Variants in ACSL3 observed in about 807,000 individuals in gnomAD.
ACSL3 encodes the protein fatty acid CoA ligase Acsl3.
ACSL3 carries 34 observed loss-of-function variants against 84.7 expected under a neutral mutation model. The observed-to-expected ratio is 0.40, with a 90% confidence interval of 0.31 to 0.53. ACSL3 has a LOEUF of 0.53. ACSL3 is among the 20% of genes least tolerant of loss of function. The probability of loss-of-function intolerance (pLI) is 0.48; values close to 1 mark genes in which losing one functional copy is unlikely to be tolerated. For synonymous variants in ACSL3, 315 were observed against 299.4 expected, an observed-to-expected ratio of 1.05 and a Z score of -0.54; for missense variants, 680 against 873.1, an observed-to-expected ratio of 0.78 and a Z score of 2.79.
intron 1 of ACSL3, among the ~76,000 whole-genome samples, chr2:222,884,349 G>C (rs896400912): frequency 1.3e-5 from 2 of 152,100 alleles, no homozygotes; most frequent in Non-Finnish European, 2.9e-5. Context: ...TGTCTTCTAG[G>C]GCCACTGCAA....
intron 7 of ACSL3, among the ~76,000 whole-genome samples, chr2:222,920,455 A>G (rs575331878): frequency 1.1e-4 from 16 of 152,262 alleles, no homozygotes; most frequent in Admixed American, 7.2e-4. Context: ...TCTGATTTCA[A>G]ATGGTTCACA....
intron 1 of ACSL3, among the ~76,000 whole-genome samples, chr2:222,864,369 A>AT (rs1485402923): frequency 1.3e-5 from 2 of 151,852 alleles, no homozygotes; most frequent in Admixed American, 6.6e-5. Flanking sequence ...TATGGGTGAG[A>AT]TTGCCTGTGG....
chr2:222,872,703 T>G (rs72955324), intron 1 of ACSL3, among the ~76,000 whole-genome samples: 2 of 151,586 alleles, frequency 1.3e-5, no homozygotes, highest in African/African-American at 2.4e-5. Context: ...GTGCCGAGGG[T>G]GGGGAACCAG....
intron 1 of ACSL3, among the ~76,000 whole-genome samples, chr2:222,872,249 C>T (rs868606955): frequency 2.0e-5 from 3 of 152,060 alleles, no homozygotes; most frequent in Non-Finnish European, 2.9e-5. Context: ...CTCAGCCTCT[C>T]GAGTAGCTGG....
Position 222,918,175 on chromosome 2 carries a change from TCTAA to T in ACSL3, c.666+23_666+26del, listed in dbSNP as rs201789524. 1,561 of 1,512,358 alleles carry T rather than the reference TCTAA, an allele frequency of 1.0e-3. 11 individuals are homozygous for T. In the African/African-American group the frequency reaches 0.018, roughly 18 times the overall value. 93.7% of individuals were successfully genotyped at this position (1,512,358 alleles called of 1,614,324 possible). On this transcript the variant is annotated intron_variant, in intron 6 of 16. Coordinates refer to ENST00000357430, the MANE Select transcript of ACSL3 (RefSeq NM_004457.5). ...TTGAAGGTGAGGACTCTAGTTACTTTCTAACTGTCTGATACTTTAGAATTTTCAG... is the reference window on the plus strand; with the variant it reads ...TTGAAGGTGAGGACTCTAGTTACTTTCTGTCTGATACTTTAGAATTTTCAG...
chr2:222,884,822 C>T (rs755567438), intron 1 of ACSL3, among the ~76,000 whole-genome samples: 4 of 152,120 alleles, frequency 2.6e-5, no homozygotes, highest in South Asian at 2.1e-4. Context: ...GTTCCCTTCG[C>T]GTTTACAAAT....
intron 10 of ACSL3, 93 bp from the exon 11 acceptor site, chr2:222,924,363 C>T: frequency 8.5e-7 from 1 of 1,176,902 alleles, no homozygotes; most frequent in South Asian, 2.0e-5. Flanking sequence ...TTTAAAATGC[C>T]TTAATATTGC....
At chr2:222,912,434 T>G (rs1382843138) in intron 4 of ACSL3, among the ~76,000 whole-genome samples, 2 of 152,244 alleles carry the variant, frequency 1.3e-5, no homozygotes, top group African/African-American at 4.8e-5. Context: ...CTTTCTGCTA[T>G]TAGTGCCTGC....
chr2:222,872,994 G>T (rs1382693863), intron 1 of ACSL3, among the ~76,000 whole-genome samples: 1 of 152,208 alleles, frequency 6.6e-6, no homozygotes, highest in Non-Finnish European at 1.5e-5. Context: ...TCTCTTAGAA[G>T]CAATCCATTG....
At chr2:222,940,558 A>G (rs780126305) in intron 16 of ACSL3, among the ~76,000 whole-genome samples, 2 of 149,824 alleles carry the variant, frequency 1.3e-5, no homozygotes, top group African/African-American at 5.1e-5. Flanking sequence ...CACAGACTGC[A>G]TATATGACAG....
intron 11 of ACSL3, among the ~76,000 whole-genome samples, chr2:222,926,424 C>T (rs931908796): frequency 2.0e-4 from 30 of 151,920 alleles, no homozygotes; most frequent in Admixed American, 3.3e-4. Flanking sequence ...TAAGTACTAC[C>T]TCTCCTTTTT....
At chr2:222,883,034 C>T (rs1574524558) in intron 1 of ACSL3, among the ~76,000 whole-genome samples, 1 of 151,954 alleles carries the variant, frequency 6.6e-6, no homozygotes, top group East Asian at 1.9e-4. Context: ...TTCCAAAGTG[C>T]TGGGATTACA....
At position 222,918,107 on chromosome 2, in the gene ACSL3, G is replaced by T. The variant is rs1696633387; in HGVS notation, c.618G>T (p.Glu206Asp). ...TTGTTCATGCATTAAATGAAACAGA[G>T]GTGACCAACATCATTACTAGTAAAG... ...PAIVHALNET[E>D]VTNIITSKEL... is the part of the protein sequence containing the mutation. The change falls in exon 6 of 17, where the codon GAG becomes GAT. Residue 206 changes from glutamate (E) to aspartate (D), a missense_variant. Glu to Asp is a conservative substitution (Grantham distance 45). This residue lies in a region of ACSL3 where 333 missense variants were observed against 347.5 expected (regional missense o/e 0.96). Transcript: ENST00000357430. 1.9e-6 allele frequency: 3 copies of T among 1,612,070 alleles called. No homozygotes were observed. In the East Asian group the frequency reaches 6.7e-5, roughly 36 times the overall value.
intron 1 of ACSL3, among the ~76,000 whole-genome samples, chr2:222,869,302 C>G (rs529222819): frequency 3.9e-5 from 6 of 152,276 alleles, no homozygotes; most frequent in Non-Finnish European, 8.8e-5. Flanking sequence ...TCAATTCTTA[C>G]CTCACAAGGT....
chr2:222,933,452 G>A (rs1424995024), intron 15 of ACSL3, 172 bp downstream of exon 15: 3 of 515,578 alleles, frequency 5.8e-6, no homozygotes, highest in African/African-American at 3.9e-5. Flanking sequence ...TCCTTGTAAG[G>A]CTTCCCCTGA....
In ACSL3 at chr2:222,892,411, G is replaced by C. The variant is rs113483502; in HGVS notation, c.-148+4523G>C. Among the ~76,000 whole-genome samples the C allele has an allele frequency of 4.4e-4, 67 of 152,160 alleles. 1 individual carries two copies. The highest frequency in any genetic ancestry group is 1.6e-3 in the African/African-American group (65 of 41,516). On this transcript the variant is annotated intron_variant, in intron 2 of 16. Coordinates refer to ENST00000357430, the MANE Select transcript of ACSL3 (RefSeq NM_004457.5). The stretch of plus-strand genomic sequence containing the variant: ...AAGCAAACATGTTTGTGAGAACCAG[G>C]GTGCCCCTCTAAAAAAGAAACTCTT...
chr2:222,869,627 G>A (rs1695248364), intron 1 of ACSL3, among the ~76,000 whole-genome samples: 1 of 152,252 alleles, frequency 6.6e-6, no homozygotes, highest in Admixed American at 6.5e-5. Context: ...ATAAAGGACA[G>A]AGAGGTCATG....
chr2:222,913,565 C>CT lies in ACSL3; in HGVS notation c.379-2746dup, dbSNP rs975887919. On this transcript the variant is annotated intron_variant, in intron 4 of 16. Coordinates refer to ENST00000357430, the MANE Select transcript of ACSL3 (RefSeq NM_004457.5). The stretch of plus-strand genomic sequence containing the variant: ...TACATCCCTTACAGCCTCCCCCCGC[C>CT]TTTTTTTTAGCAGGCCTCCTTGCTT... 1.3e-3 allele frequency among the ~76,000 whole-genome samples: 196 copies of CT among 151,990 alleles called. 1 individual carries two copies. The highest frequency in any genetic ancestry group is 4.1e-3 in the African/African-American group (171 of 41,462).
At chr2:222,926,428 C>G (rs1051593676) in intron 11 of ACSL3, among the ~76,000 whole-genome samples, 8 of 152,042 alleles carry the variant, frequency 5.3e-5, no homozygotes, top group African/African-American at 1.7e-4. Flanking sequence ...TACTACCTCT[C>G]CTTTTTGATC....
Sources: allele counts gnomAD v4.1 joint callset (sites outside exome capture counted in the v4.1 genomes callset), GRCh38; gene constraint gnomAD v4.1.1; regional missense constraint gnomAD v4.1.1; transcripts MANE v1.5; gene names NCBI Gene and HGNC (gene_info 2026-07-23, HGNC 2026-07-21).